SCN10A: variants seen among roughly 807,000 people sequenced by gnomAD.
SCN10A encodes the protein sodium channel protein type 10 subunit alpha.
Under a neutral mutation model 170.7 loss-of-function variants are expected in SCN10A, and 162 were observed. The ratio of observed to expected loss-of-function variants is 0.95; its 90% CI spans 0.84 to 1.08. The LOEUF (loss-of-function observed/expected upper bound fraction) is 1.08. SCN10A is among the 50% of genes least tolerant of loss of function. The pLI is 0.00. For missense variants in SCN10A, 2,527 were observed against 2,436.9 expected (o/e 1.04, Z -0.78); for synonymous variants, 985 against 904.6 (o/e 1.09, Z -1.59).
chr3:38,771,547 G>A, intron 4 of SCN10A, 140 bp from the exon 5 acceptor site: 1 of 812,192 alleles, frequency 1.2e-6, no homozygotes, highest in Non-Finnish European at 2.0e-6. Flanking sequence ...GTGATGAGGG[G>A]GAAGAAGGTA....
At chr3:38,747,828 T>C (rs1397513811) in intron 13 of SCN10A, among the ~76,000 whole-genome samples, 3 of 152,248 alleles carry the variant, frequency 2.0e-5, no homozygotes. Context: ...GATTCCTTTA[T>C]TTAATTCAAA....
Position 38,757,117 on chromosome 3 carries a change from G to C in SCN10A, c.993C>G (p.Asn331Lys). ...DGYICLKTSDNPDFNYTSFDS... is the reference protein window; with the variant it reads ...DGYICLKTSDKPDFNYTSFDS... ...CAAAGCTGGTGTAGTTAAAATCCGG[G>C]TTGTCAGAAGTTTTAAGGCAGATAT... is the stretch of plus-strand genomic sequence containing the variant. Residue 331 changes from asparagine to lysine, a missense_variant, in exon 9 of 28, where the codon AAC (asparagine) becomes AAG (lysine). Physicochemically the swap from Asn to Lys is moderately conservative, Grantham distance 94. Transcript: ENST00000449082. The C allele has an allele frequency of 6.2e-7, 1 of 1,613,168 alleles. No individual in the cohort carries two copies. Among genetic ancestry groups the C allele is most frequent in the East Asian group, 2.2e-5 (1 of 44,882 alleles).
At chr3:38,700,738 T>C (rs11129799) in intron 27 of SCN10A, among the ~76,000 whole-genome samples, 127,126 of 152,266 alleles carry the variant, frequency 0.83, 53,248 homozygotes, top group African/African-American at 0.9. Context: ...TGAAATGCTG[T>C]TAAGTTGTAT....
intron 20 of SCN10A, 80 bp downstream of exon 20, chr3:38,722,178 C>A: frequency 2.8e-6 from 4 of 1,405,274 alleles, no homozygotes; most frequent in Non-Finnish European, 3.9e-6. Flanking sequence ...GGAGAACCCA[C>A]TGATGCAGCT....
At chr3:38,781,020 G>A (rs895937696) in intron 4 of SCN10A, among the ~76,000 whole-genome samples, 1 of 152,116 alleles carries the variant, frequency 6.6e-6, no homozygotes, top group Non-Finnish European at 1.5e-5. Context: ...TTCGGCAGTT[G>A]AAGCAAATTG....
At chr3:38,803,927 C>T (rs570879193) in intron 1 of SCN10A, among the ~76,000 whole-genome samples, 44 of 152,210 alleles carry the variant, frequency 2.9e-4, no homozygotes, top group African/African-American at 1.0e-3. Flanking sequence ...ACCATGTAGC[C>T]CAAGCCACTA....
intron 11 of SCN10A, among the ~76,000 whole-genome samples, chr3:38,755,290 A>G (rs887349479): frequency 1.3e-5 from 2 of 149,312 alleles, no homozygotes; most frequent in African/African-American, 4.9e-5. Flanking sequence ...GACGCATCAG[A>G]AAAAAAAAAG....
chr3:38,760,629 A>G, intron 8 of SCN10A, 52 bp downstream of exon 8: 1 of 1,372,698 alleles, frequency 7.3e-7, no homozygotes, highest in South Asian at 1.2e-5. Flanking sequence ...CAAGGACAAG[A>G]TGGAGAAGGA....
chr3:38,781,298 G>A (rs917379170), intron 4 of SCN10A, among the ~76,000 whole-genome samples: 40 of 152,170 alleles, frequency 2.6e-4, no homozygotes, highest in South Asian at 1.0e-3. Context: ...GTGGTCTGCT[G>A]CCGGTCTGAT....
chr3:38,774,397 A>G (rs559451854), intron 4 of SCN10A, among the ~76,000 whole-genome samples: 5 of 152,340 alleles, frequency 3.3e-5, no homozygotes, highest in African/African-American at 1.2e-4. Context: ...GCTCAACAGC[A>G]GCTAATGGAG....
intron 12 of SCN10A, among the ~76,000 whole-genome samples, chr3:38,751,677 A>T (rs1400514173): frequency 6.6e-6 from 1 of 152,234 alleles, no homozygotes. Flanking sequence ...CTCTGCGATT[A>T]TTCTATTAAA....
At chr3:38,793,163 T>C (rs1206188170) in intron 2 of SCN10A, among the ~76,000 whole-genome samples, 4 of 152,108 alleles carry the variant, frequency 2.6e-5, no homozygotes, top group Non-Finnish European at 5.9e-5. Context: ...CACATTCCAG[T>C]AGCTTTTAGA....
intron 1 of SCN10A, among the ~76,000 whole-genome samples, chr3:38,813,123 G>A (rs1461674415): frequency 6.6e-6 from 1 of 152,076 alleles, no homozygotes; most frequent in African/African-American, 2.4e-5. Flanking sequence ...TTTGCTGCTG[G>A]TCAGCTCTGT....
At chr3:38,797,602 C>T (rs1011397639) in intron 1 of SCN10A, among the ~76,000 whole-genome samples, 3 of 152,194 alleles carry the variant, frequency 2.0e-5, no homozygotes, top group African/African-American at 7.2e-5. Flanking sequence ...ACACTGTTGA[C>T]TTCAGTGTCT....
At chr3:38,780,205 G>T (rs1021674649) in intron 4 of SCN10A, among the ~76,000 whole-genome samples, 7 of 151,570 alleles carry the variant, frequency 4.6e-5, no homozygotes, top group African/African-American at 1.2e-4. Context: ...GATTACTATC[G>T]TCTTTAATAT....
intron 4 of SCN10A, 148 bp from the exon 5 acceptor site, chr3:38,771,555 G>T: frequency 1.3e-6 from 1 of 751,634 alleles, no homozygotes; most frequent in Non-Finnish European, 2.2e-6. Flanking sequence ...GGGGAAGAAG[G>T]TAAGGAGAGG....
chr3:38,788,326 A>G (rs2064235184), intron 4 of SCN10A, among the ~76,000 whole-genome samples: 1 of 151,848 alleles, frequency 6.6e-6, no homozygotes. Context: ...ATGTGTGGAT[A>G]TGGAATGTTT....
chr3:38,728,403 G>A, intron 16 of SCN10A, 139 bp downstream of exon 16: 1 of 894,868 alleles, frequency 1.1e-6, no homozygotes, highest in South Asian at 2.9e-5. Context: ...AATCCCACAT[G>A]AATTTGAAAA....
chr3:38,807,128 T>A (rs2064409598), intron 1 of SCN10A, among the ~76,000 whole-genome samples: 3 of 152,200 alleles, frequency 2.0e-5, no homozygotes, highest in Admixed American at 6.5e-5. Context: ...TGGATTAATA[T>A]TACCAGTTAT....
Sources: gnomAD v4.1 joint callset for allele counts (sites outside exome capture counted in the v4.1 genomes callset) on GRCh38, gnomAD v4.1.1 for gene constraint, MANE v1.5 for transcripts, NCBI Gene and HGNC (gene_info 2026-07-23, HGNC 2026-07-21) for gene names.